Variants in KLRC1 observed in about 807,000 individuals in gnomAD.
KLRC1 encodes killer cell lectin like receptor C1.
Under a neutral mutation model 25.9 loss-of-function variants are expected in KLRC1, and 22 were observed. The observed-to-expected ratio is 0.85, with a 90% confidence interval of 0.61 to 1.21. KLRC1 has a LOEUF of 1.21. Ranked by LOEUF, KLRC1 falls within the 50% of genes most tolerant of loss-of-function variation. The pLI is 0.00. For missense variants in KLRC1, 240 were observed against 272.2 expected (o/e 0.88, Z 0.83); for synonymous variants, 77 against 93.1 (o/e 0.83, Z 0.99).
downstream of KLRC1, among the ~76,000 whole-genome samples, chr12:10,445,255 C>T (rs1335056097): frequency 6.6e-6 from 1 of 151,790 alleles, no homozygotes; most frequent in Admixed American, 6.6e-5. Flanking sequence ...ACAATGATCA[C>T]CATGGATTTA....
At chr12:10,445,632 G>C (rs61917718), downstream of KLRC1, among the ~76,000 whole-genome samples, 25,176 of 151,958 alleles carry the variant, frequency 0.17, 2,468 homozygotes, top group Non-Finnish European at 0.23. Flanking sequence ...AAAAATAAAA[G>C]TGTGATCATG....
At chr12:10,452,056 T>A (rs1864137859) in intron 1 of KLRC1, among the ~76,000 whole-genome samples, 1 of 151,784 alleles carries the variant, frequency 6.6e-6, no homozygotes, top group Non-Finnish European at 1.5e-5. Flanking sequence ...TTATAAAAAA[T>A]TAAATATTTG....
chr12:10,446,260 T>C lies in KLRC1; in HGVS notation c.*291A>G. 1 of 563,492 alleles carries C rather than the reference T, an allele frequency of 1.8e-6. No individual in the cohort carries two copies. Among genetic ancestry groups the C allele is most frequent in the Non-Finnish European group, 2.4e-6 (1 of 413,112 alleles). 34.9% of individuals were successfully genotyped at this position (563,492 alleles called of 1,614,324 possible). On this transcript the variant is annotated 3_prime_UTR_variant, in exon 7 of 7. Transcript: ENST00000359151. ...TTGGCAACCACTATTCTACTTTCTG[T>C]CTCCATGGGTTTGACTGTTCTTGGT...
chr12:10,444,683 G>C (rs980216349), downstream of KLRC1, among the ~76,000 whole-genome samples: 1 of 151,934 alleles, frequency 6.6e-6, no homozygotes, highest in African/African-American at 2.4e-5. Flanking sequence ...AACTTTCCTA[G>C]AAAAATAGTC....
At position 10,450,673 on chromosome 12, in the gene KLRC1, A is replaced by G. The variant is rs1180210137; in HGVS notation, c.188-94T>C. The G allele has an allele frequency of 4.1e-5, 32 of 785,020 alleles. No homozygotes were observed. In the Admixed American group the frequency reaches 7.1e-4, roughly 18 times the overall value. The allele number at this position is 785,020 out of a possible 1,614,324, so 48.6% of individuals were successfully genotyped here. A position where few individuals can be genotyped will look rare whatever the true frequency, so the allele number is the denominator to read the frequency against. On this transcript the variant is annotated intron_variant, in intron 2 of 6. Coordinates refer to ENST00000359151, the MANE Select transcript of KLRC1 (RefSeq NM_002259.5). ...AAGAGAACCTGAATGCACAGGAATC[A>G]TACAGAGAAACTTGGACCCCAAACC...
intron 5 of KLRC1, among the ~76,000 whole-genome samples, chr12:10,448,549 A>C (rs934114435): frequency 2.0e-5 from 3 of 152,154 alleles, no homozygotes; most frequent in African/African-American, 7.2e-5. Flanking sequence ...GAACCCAATG[A>C]CTACCAGTGC....
At chr12:10,449,518 A>G (rs973061455) in intron 4 of KLRC1, 130 bp from the exon 5 acceptor site, 8 of 1,460,940 alleles carry the variant, frequency 5.5e-6, no homozygotes, top group Non-Finnish European at 6.4e-6. Context: ...GCTGGTAAAT[A>G]TATAGTGTCA....
At chr12:10,452,623 T>C (rs1007337252) in intron 1 of KLRC1, among the ~76,000 whole-genome samples, 2 of 152,210 alleles carry the variant, frequency 1.3e-5, no homozygotes, top group African/African-American at 4.8e-5. Flanking sequence ...AGTTAAAGCA[T>C]GGAAAATAAA....
At chr12:10,452,467 T>C (rs1018422328) in intron 1 of KLRC1, among the ~76,000 whole-genome samples, 6 of 152,180 alleles carry the variant, frequency 3.9e-5, no homozygotes, top group Non-Finnish European at 7.4e-5. Context: ...CCCAGTTTGT[T>C]AATCTAAAAT....
At chr12:10,450,927 C>T in intron 2 of KLRC1, 43 bp downstream of exon 2, 1 of 1,420,648 alleles carries the variant, frequency 7.0e-7, no homozygotes. Context: ...CCCCAAGCTG[C>T]ACATCCTAGA....
rs1450640347 is a variant in KLRC1, at chr12:10,449,317, T to C, written c.409A>G (p.Arg137Gly). 3.7e-6 allele frequency: 6 copies of C among 1,613,874 alleles called. No individual in the cohort carries two copies. The highest frequency in any genetic ancestry group is 5.1e-6 in the Non-Finnish European group (6 of 1,179,916). Residue 137 changes from arginine (R) to glycine (G), a missense_variant, in exon 5 of 7, where the codon AGA becomes GGA. By Grantham distance (125) the Arg-to-Gly change is moderately radical. Coordinates refer to ENST00000359151, the MANE Select transcript of KLRC1 (RefSeq NM_002259.5). ...SNSCYYIGKE[R>G]RTWEESLLAC... ...AGCAAACTCTCTTCCCAAGTTCTTCTTTCCTTACCAATGTAGTAACAACTG... is the reference window on the plus strand; with the variant it reads ...AGCAAACTCTCTTCCCAAGTTCTTCCTTCCTTACCAATGTAGTAACAACTG...
At chr12:10,443,866 A>G (rs1384135621), downstream of KLRC1, among the ~76,000 whole-genome samples, 3 of 138,988 alleles carry the variant, frequency 2.2e-5, no homozygotes, top group South Asian at 6.6e-4. Context: ...TAAATAACAT[A>G]TAAAGCCAGT....
At chr12:10,454,100 T>G (rs989001565), upstream of KLRC1, among the ~76,000 whole-genome samples, 1 of 152,236 alleles carries the variant, frequency 6.6e-6, no homozygotes, top group Non-Finnish European at 1.5e-5. Flanking sequence ...AAACTATGTA[T>G]GGGGAAAAAG....
At chr12:10,452,734 T>C (rs1021208769) in intron 1 of KLRC1, among the ~76,000 whole-genome samples, 1 of 152,304 alleles carries the variant, frequency 6.6e-6, no homozygotes, top group Admixed American at 6.5e-5. Context: ...ACCTTTAGCA[T>C]TTTATGTAAT....
In KLRC1 at chr12:10,446,214, T is replaced by C; in HGVS notation, c.*337A>G. On this transcript the variant is annotated 3_prime_UTR_variant, in exon 7 of 7. Transcript: ENST00000359151. The stretch of plus-strand genomic sequence containing the variant: ...GTTCTATCAGTTAGAGGTCATCTCC[T>C]ATTTCAACCTCCCTCAGACATTGGC... 6.6e-6 allele frequency: 2 copies of C among 300,790 alleles called. No homozygotes were observed. The highest frequency in any genetic ancestry group is 1.1e-5 in the Non-Finnish European group (2 of 187,350). 18.6% of individuals were successfully genotyped at this position (300,790 alleles called of 1,614,324 possible). A position where few individuals can be genotyped will look rare whatever the true frequency, so the allele number is the denominator to read the frequency against.
intron 1 of KLRC1, among the ~76,000 whole-genome samples, chr12:10,451,638 A>C (rs1864128451): frequency 6.7e-6 from 1 of 149,096 alleles, no homozygotes; most frequent in African/African-American, 2.4e-5. Context: ...CCTGGGCGAC[A>C]GAGTGAGACT....
At chr12:10,447,280 T>C in intron 6 of KLRC1, 1 of 332,400 alleles carries the variant, frequency 3.0e-6, no homozygotes, top group Non-Finnish European at 5.4e-6. Flanking sequence ...GGCCCAAGAC[T>C]CTTCTTCTTC....
downstream of KLRC1, among the ~76,000 whole-genome samples, chr12:10,445,827 A>G (rs4492899): frequency 0.55 from 83,786 of 151,778 alleles, 25,508 homozygotes; most frequent in Non-Finnish European, 0.68. Flanking sequence ...GCCATTTACA[A>G]AAGCATAAAT....
At chr12:10,451,912 T>A (rs1041331435) in intron 1 of KLRC1, among the ~76,000 whole-genome samples, 1 of 151,964 alleles carries the variant, frequency 6.6e-6, no homozygotes, top group Non-Finnish European at 1.5e-5. Flanking sequence ...TATATATATA[T>A]AAAAATTTCT....
Sources: gnomAD v4.1 joint callset for allele counts (sites outside exome capture counted in the v4.1 genomes callset) on GRCh38, gnomAD v4.1.1 for gene constraint, MANE v1.5 for transcripts, NCBI Gene and HGNC (gene_info 2026-07-23, HGNC 2026-07-21) for gene names.